Variants in CABCOCO1 observed in about 807,000 individuals in gnomAD.
CABCOCO1 encodes ciliary-associated calcium-binding coiled-coil protein 1.
CABCOCO1 carries 28 observed loss-of-function variants against 35.7 expected under a neutral mutation model. That is an observed-to-expected ratio of 0.78 (90% CI 0.58 to 1.07). The LOEUF (loss-of-function observed/expected upper bound fraction) is 1.07, where lower values mean the gene tolerates loss of function less well. CABCOCO1 is among the 50% of genes least tolerant of loss of function. The pLI, the probability that CABCOCO1 is intolerant of heterozygous loss-of-function variation, is 0.00. For synonymous variants in CABCOCO1, 95 were observed against 100.1 expected (o/e 0.95, Z 0.30); for missense variants, 326 against 309.2 (o/e 1.05, Z -0.41).
chr10:61,745,021 T>C (rs890717317), intron 5 of CABCOCO1, among the ~76,000 whole-genome samples: 53 of 152,168 alleles, frequency 3.5e-4, no homozygotes, highest in African/African-American at 1.3e-3. Flanking sequence ...CCTCTGTGTA[T>C]ACAGTCAGTA....
At chr10:61,752,312 G>A (rs1841805256) in intron 5 of CABCOCO1, among the ~76,000 whole-genome samples, 1 of 146,486 alleles carries the variant, frequency 6.8e-6, no homozygotes, top group Admixed American at 6.9e-5. Context: ...GCTGACCAGA[G>A]AAAAGTGCCT....
intron 7 of CABCOCO1, among the ~76,000 whole-genome samples, chr10:61,764,155 C>T (rs1276893383): frequency 6.6e-6 from 1 of 152,032 alleles, no homozygotes; most frequent in Admixed American, 6.6e-5. Flanking sequence ...ATGATAAGCA[C>T]ATCAATCCTT....
intron 5 of CABCOCO1, among the ~76,000 whole-genome samples, chr10:61,740,076 T>C (rs956125550): frequency 2.6e-5 from 4 of 152,246 alleles, no homozygotes; most frequent in Admixed American, 2.6e-4. Flanking sequence ...GTGCCATTAG[T>C]ATAATTCGAA....
At chr10:61,727,615 T>C (rs1329171835) in intron 5 of CABCOCO1, among the ~76,000 whole-genome samples, 3 of 152,216 alleles carry the variant, frequency 2.0e-5, no homozygotes, top group Non-Finnish European at 4.4e-5. Flanking sequence ...TGCATGTTTC[T>C]GGGATAAAAG....
rs750571047 is a variant in CABCOCO1, at chr10:61,765,975, G to T, written c.853G>T (p.Ala285Ser). Reference sequence around the variant, plus strand: ...CGAAAAACTGCAAATACAGGAAGAGGCCTTTAATGCACGAATAGAAAAATT... The same window carrying T: ...CGAAAAACTGCAAATACAGGAAGAGTCCTTTAATGCACGAATAGAAAAATT... Reference protein sequence around the residue: ...INEKLQIQEEAFNARIEKLKK... With the variant: ...INEKLQIQEESFNARIEKLKK... The change falls in exon 8 of 8, where the codon GCC becomes TCC. Residue 285 changes from alanine (A) to serine (S), a missense_variant. By Grantham distance (99) the Ala-to-Ser change is moderately conservative. Transcript: ENST00000648843. 11 of 1,613,384 alleles carry T rather than the reference G, an allele frequency of 6.8e-6. No individual in the cohort carries two copies. The highest frequency in any genetic ancestry group is 9.3e-6 in the Non-Finnish European group (11 of 1,179,586).
In CABCOCO1 at chr10:61,686,131, G is replaced by A. The variant is rs1283005657; in HGVS notation, c.425G>A (p.Trp142Ter). Residue 142 changes from tryptophan (W) to a stop codon, truncating the protein, a stop_gained, in exon 4 of 8, where the codon TGG (tryptophan) becomes TAG (stop). Transcript: ENST00000648843. LOFTEE classifies it high-confidence loss of function. ...GPTHSQKSEDWNIFDVKQANA... is the reference protein window; with the variant it reads ...GPTHSQKSED Reference sequence around the variant, plus strand: ...ACACATTCGCAAAAGAGTGAGGACTGGAATATCTTTGATGTAAAACAAGCC... The same window carrying A: ...ACACATTCGCAAAAGAGTGAGGACTAGAATATCTTTGATGTAAAACAAGCC... 2 of 1,600,656 alleles carry A rather than the reference G, an allele frequency of 1.2e-6. No homozygotes were observed. The highest frequency in any genetic ancestry group is 2.7e-5 in the African/African-American group (2 of 74,066).
rs576283293 is a variant in CABCOCO1, at chr10:61,706,893, A to G, written c.552+16272A>G. ...GGAAACTGTTCCTTCCCCTTTCCCA[A>G]TCACCCGAGGGATAATAACAGATAG... On this transcript the variant is annotated intron_variant, in intron 5 of 7. Transcript: ENST00000648843. 4.7e-4 allele frequency among the ~76,000 whole-genome samples: 71 copies of G among 152,116 alleles called. No individual in the cohort carries two copies. In the South Asian group the frequency reaches 0.014, roughly 30 times the overall value.
At chr10:61,744,400 A>G (rs779602863) in intron 5 of CABCOCO1, among the ~76,000 whole-genome samples, 6 of 152,124 alleles carry the variant, frequency 3.9e-5, no homozygotes, top group Admixed American at 6.6e-5. Flanking sequence ...AGGGCTCTAA[A>G]CGTGTACATT....
intron 5 of CABCOCO1, among the ~76,000 whole-genome samples, 157 bp downstream of exon 5, chr10:61,690,778 G>A (rs913602486): frequency 2.6e-5 from 4 of 152,062 alleles, no homozygotes; most frequent in African/African-American, 9.7e-5. Context: ...ATTATATAAA[G>A]TGATCGTTGC....
intron 4 of CABCOCO1, 97 bp from the exon 5 acceptor site, chr10:61,690,452 T>G (rs984148890): frequency 4.1e-6 from 3 of 725,916 alleles, no homozygotes; most frequent in Non-Finnish European, 6.9e-6. Context: ...AGCATTAGTT[T>G]GGTCAATATG....
Position 61,672,661 on chromosome 10 carries a change from G to T in CABCOCO1, c.90G>T (p.Lys30Asn), listed in dbSNP as rs1040804384. 5.1e-6 allele frequency: 5 copies of T among 975,710 alleles called. No homozygotes were observed. Among genetic ancestry groups the T allele is most frequent in the Non-Finnish European group, 6.1e-6 (5 of 821,056 alleles). The allele number at this position is 975,710 out of a possible 1,614,324, so 60.4% of individuals were successfully genotyped here. A position where few individuals can be genotyped will look rare whatever the true frequency, so the allele number is the denominator to read the frequency against. The change falls in exon 2 of 8, where the codon AAG (lysine) becomes AAT (asparagine). Residue 30 changes from lysine (K) to asparagine (N), a missense_variant. Lys to Asn is a moderately conservative substitution (Grantham distance 94, BLOSUM62 0). Coordinates refer to ENST00000648843, the MANE Select transcript of CABCOCO1 (RefSeq NM_001366906.2). ...ACACTGAATTCCAGGAGCATGAAAA[G>T]ATTCTGTCTCCGGATTTTCTTTCAG... ...ERDTEFQEHE[K>N]ILSPDFLSVA...
At chr10:61,680,307 T>A (rs118165736) in intron 2 of CABCOCO1, among the ~76,000 whole-genome samples, 1,770 of 135,764 alleles carry the variant, frequency 0.013, 16 homozygotes, top group Middle Eastern at 0.035. Context: ...CAAGGCCCTG[T>A]CTCAAAAAAA....
At chr10:61,684,818 G>A (rs1839905635) in intron 3 of CABCOCO1, 1 of 152,252 alleles carries the variant, frequency 6.6e-6, no homozygotes, top group African/African-American at 2.4e-5. Flanking sequence ...AGGGTGGATA[G>A]TGTGTGTGTG....
At chr10:61,716,966 G>T (rs1840883017) in intron 5 of CABCOCO1, among the ~76,000 whole-genome samples, 1 of 151,956 alleles carries the variant, frequency 6.6e-6, no homozygotes, top group South Asian at 2.1e-4. Context: ...ATAGTTGTGT[G>T]TATTTTACCA....
At chr10:61,730,649 AC>A (rs1227482709) in intron 5 of CABCOCO1, among the ~76,000 whole-genome samples, 1 of 151,842 alleles carries the variant, frequency 6.6e-6, no homozygotes, top group Non-Finnish European at 1.5e-5. Context: ...ATTATTATTA[AC>A]TGTTTATTAA....
intron 2 of CABCOCO1, among the ~76,000 whole-genome samples, chr10:61,678,433 A>G (rs1018687015): frequency 9.2e-5 from 14 of 152,142 alleles, no homozygotes; most frequent in African/African-American, 3.1e-4. Context: ...CAGGATGTCT[A>G]TATCTGCCAG....
At chr10:61,717,257 CA>C (rs2132036644) in intron 5 of CABCOCO1, among the ~76,000 whole-genome samples, 1 of 152,242 alleles carries the variant, frequency 6.6e-6, no homozygotes, top group African/African-American at 2.4e-5. Context: ...AGAACATACA[CA>C]GGAAAGAACT....
At chr10:61,697,062 C>A (rs533341087) in intron 5 of CABCOCO1, among the ~76,000 whole-genome samples, 1 of 152,104 alleles carries the variant, frequency 6.6e-6, no homozygotes, top group South Asian at 2.1e-4. Flanking sequence ...TTAGTTGGTG[C>A]AAGGTTAAAT....
chr10:61,717,279 G>A (rs1446333225), intron 5 of CABCOCO1, among the ~76,000 whole-genome samples: 1 of 152,060 alleles, frequency 6.6e-6, no homozygotes, highest in Admixed American at 6.6e-5. Context: ...TTGGAATAAA[G>A]GGCACTTTTC....
Sources: gnomAD v4.1 joint callset for allele counts (sites outside exome capture counted in the v4.1 genomes callset) on GRCh38, gnomAD v4.1.1 for gene constraint, MANE v1.5 for transcripts, NCBI Gene and HGNC (gene_info 2026-07-23, HGNC 2026-07-21) for gene names.